The following ASH1L variants were observed in gnomAD, a reference collection of about 807,000 sequenced individuals.
ASH1L encodes histone-lysine N-methyltransferase ASH1L.
ASH1L carries 23 observed loss-of-function variants against 269.0 expected under a neutral mutation model. That is an observed-to-expected ratio of 0.09 (90% CI 0.06 to 0.12). ASH1L has a LOEUF of 0.12. Ranked by LOEUF, ASH1L falls within the 10% of genes least tolerant of loss-of-function variation. The probability of loss-of-function intolerance (pLI) is 1.00; values close to 1 mark genes in which losing one functional copy is unlikely to be tolerated. For missense variants in ASH1L, 2,912 were observed against 3,567.8 expected (o/e 0.82, Z 4.68); for synonymous variants, 1,187 against 1,253.5 (o/e 0.95, Z 1.12).
chr1:155,491,561 A>T (rs1462651646), intron 2 of ASH1L, among the ~76,000 whole-genome samples: 1 of 152,240 alleles, frequency 6.6e-6, no homozygotes, highest in Non-Finnish European at 1.5e-5. Context: ...TTAACCAGTA[A>T]ATGATTAAGA....
chr1:155,417,095 C>T (rs1660281560), intron 5 of ASH1L, among the ~76,000 whole-genome samples: 1 of 151,754 alleles, frequency 6.6e-6, no homozygotes, highest in Non-Finnish European at 1.5e-5. Context: ...CCACACCCAG[C>T]TTATTTTTTT....
At chr1:155,367,159 A>G (rs1655506791) in intron 12 of ASH1L, among the ~76,000 whole-genome samples, 1 of 151,938 alleles carries the variant, frequency 6.6e-6, no homozygotes, top group Non-Finnish European at 1.5e-5. Context: ...ATGCCCGGCT[A>G]ATTTTTATAT....
chr1:155,344,417 G>C (rs1653060124), intron 21 of ASH1L, 144 bp from the exon 22 acceptor site: 3 of 612,598 alleles, frequency 4.9e-6, no homozygotes, highest in Non-Finnish European at 8.5e-6. Flanking sequence ...AAAGCAACTA[G>C]AGCTGTTAAA....
At chr1:155,464,583 T>C (rs1034184783) in intron 3 of ASH1L, among the ~76,000 whole-genome samples, 9 of 150,050 alleles carry the variant, frequency 6.0e-5, no homozygotes, top group Non-Finnish European at 1.2e-4. Flanking sequence ...TTAAGGGAAA[T>C]AGTTTTTCTT....
intron 17 of ASH1L, among the ~76,000 whole-genome samples, chr1:155,350,998 G>C (rs974568122): frequency 4.6e-5 from 7 of 152,076 alleles, no homozygotes; most frequent in African/African-American, 1.7e-4. Flanking sequence ...AGCACTTTGG[G>C]AGGCTGAGGT....
intron 5 of ASH1L, among the ~76,000 whole-genome samples, chr1:155,424,318 T>C (rs1382331801): frequency 1.3e-5 from 2 of 152,166 alleles, no homozygotes; most frequent in African/African-American, 4.8e-5. Context: ...TAGTGTCATA[T>C]GGCTTTGAAG....
intron 18 of ASH1L, 23 bp from the exon 19 acceptor site, chr1:155,349,482 C>T (rs1324528266): frequency 6.2e-7 from 1 of 1,614,052 alleles, no homozygotes; most frequent in Admixed American, 1.7e-5. Context: ...GCCAGGGTGT[C>T]AATCTGGCAC....
Position 155,480,580 on chromosome 1 carries a change from T to A in ASH1L, c.2290A>T (p.Ile764Phe), listed in dbSNP as rs1665882340. ...TGATCTACAAATGAAGGGGGTCCAA[T>A]GTTTTTCATAAACTTGGCTGGCTCA... ...NSEPAKFMKNIGPPSFVDHDF... is the reference protein window; with the variant it reads ...NSEPAKFMKNFGPPSFVDHDF... The change falls in exon 3 of 28, where the codon ATT (isoleucine) becomes TTT (phenylalanine). Residue 764 changes from isoleucine to phenylalanine, a missense_variant. This residue lies in a region of ASH1L where 715 missense variants were observed against 721.0 expected (regional missense o/e 0.99). Coordinates refer to ENST00000392403, the MANE Select transcript of ASH1L (RefSeq NM_018489.3). 1.2e-6 allele frequency: 2 copies of A among 1,614,030 alleles called. No individual in the cohort carries two copies. Among genetic ancestry groups the A allele is most frequent in the Non-Finnish European group, 1.7e-6 (2 of 1,179,994 alleles).
chr1:155,538,562 T>C (rs773389289), intron 1 of ASH1L, among the ~76,000 whole-genome samples: 6 of 151,758 alleles, frequency 4.0e-5, no homozygotes, highest in Non-Finnish European at 8.8e-5. Flanking sequence ...TTTCACTATA[T>C]TGAACTCCTG....
Position 155,479,427 on chromosome 1 carries a change from G to C in ASH1L, c.3443C>G (p.Thr1148Ser), listed in dbSNP as rs1300583762. 6.2e-7 allele frequency: 1 copy of C among 1,614,182 alleles called. No individual in the cohort carries two copies. Among genetic ancestry groups the C allele is most frequent in the Admixed American group, 1.7e-5 (1 of 60,018 alleles). Residue 1148 changes from threonine (T) to serine (S), a missense_variant, in exon 3 of 28, where the codon ACT becomes AGT. Thr to Ser is a moderately conservative substitution (Grantham distance 58, BLOSUM62 1). Coordinates refer to ENST00000392403, the MANE Select transcript of ASH1L (RefSeq NM_018489.3). The part of the protein sequence containing the change: ...LHSRQGSMIQ[T>S]LAMKKASKGR... ...CTTTGAGGCCTTCTTCATTGCAAGA[G>C]TCTGAATCATACTGCCCTGTCTGGA... is the stretch of plus-strand genomic sequence containing the variant.
At chr1:155,406,292 A>G (rs1659287024) in intron 6 of ASH1L, among the ~76,000 whole-genome samples, 1 of 152,076 alleles carries the variant, frequency 6.6e-6, no homozygotes, top group Non-Finnish European at 1.5e-5. Flanking sequence ...GCAGAAATAG[A>G]TAAGCTGATC....
intron 6 of ASH1L, among the ~76,000 whole-genome samples, chr1:155,407,570 T>A (rs1184144246): frequency 6.6e-6 from 1 of 152,120 alleles, no homozygotes; most frequent in Non-Finnish European, 1.5e-5. Context: ...ATCTATATAA[T>A]CTAATATCAT....
chr1:155,379,998 C>G (rs1342300918), intron 8 of ASH1L, 45 bp downstream of exon 8: 3 of 1,415,350 alleles, frequency 2.1e-6, no homozygotes, highest in Non-Finnish European at 3.0e-6. Flanking sequence ...ACCCCTCCCC[C>G]TTTACCACTT....
intron 1 of ASH1L, among the ~76,000 whole-genome samples, chr1:155,526,496 A>G (rs1490374337): frequency 6.6e-6 from 1 of 152,156 alleles, no homozygotes; most frequent in Non-Finnish European, 1.5e-5. Flanking sequence ...ATAACACTCA[A>G]TGATCTCATT....
chr1:155,371,006 T>C, intron 10 of ASH1L, 23 bp from the exon 11 acceptor site: 1 of 1,607,288 alleles, frequency 6.2e-7, no homozygotes. Flanking sequence ...GGAATAACTG[T>C]ACATCAACTT....
chr1:155,480,678 G>C lies in ASH1L; in HGVS notation c.2192C>G (p.Pro731Arg), dbSNP rs773776136. 6 of 1,613,578 alleles carry C rather than the reference G, an allele frequency of 3.7e-6. 1 individual carries two copies. The East Asian group carries it at 6.7e-5, about 18-fold the overall frequency. ...KVVARSTCRSPKGLELERSEL... is the reference protein window; with the variant it reads ...KVVARSTCRSRKGLELERSEL... ...TGATCTTTCTAATTCTAGCCCTTTT[G>C]GAGACCGGCATGTGCTTCTTGCCAC... Residue 731 changes from proline to arginine, a missense_variant, in exon 3 of 28, where the codon CCA becomes CGA. Pro to Arg is a moderately radical substitution (Grantham distance 103). This residue lies in a region of ASH1L where 715 missense variants were observed against 721.0 expected (regional missense o/e 0.99). Coordinates refer to ENST00000392403, the MANE Select transcript of ASH1L (RefSeq NM_018489.3).
At chr1:155,543,562 T>C (rs1312660096) in intron 1 of ASH1L, among the ~76,000 whole-genome samples, 2 of 151,648 alleles carry the variant, frequency 1.3e-5, no homozygotes, top group Non-Finnish European at 2.9e-5. Flanking sequence ...ATGATTTATT[T>C]GATATATGTG....
chr1:155,346,747 AACTATT>A (rs1379914962), intron 20 of ASH1L, among the ~76,000 whole-genome samples: 2 of 152,252 alleles, frequency 1.3e-5, no homozygotes, highest in South Asian at 2.1e-4. Context: ...TAGACTACTG[AACTATT>A]ACTAAGTAAT....
At chr1:155,508,668 AT>A (rs1667974421) in intron 2 of ASH1L, among the ~76,000 whole-genome samples, 1 of 152,182 alleles carries the variant, frequency 6.6e-6, no homozygotes, top group Admixed American at 6.5e-5. Context: ...AATGAACATT[AT>A]TTCTTATAAA....
Sources: allele counts gnomAD v4.1 joint callset (sites outside exome capture counted in the v4.1 genomes callset), GRCh38; gene constraint gnomAD v4.1.1; regional missense constraint gnomAD v4.1.1; transcripts MANE v1.5; gene names NCBI Gene and HGNC (gene_info 2026-07-23, HGNC 2026-07-21).